EPHX2: variants seen among roughly 807,000 people sequenced by gnomAD.
EPHX2 encodes the protein bifunctional epoxide hydrolase 2.
In EPHX2, 74 loss-of-function variants were observed where a neutral mutation model predicts 78.7. That is an observed-to-expected ratio of 0.94 (90% CI 0.78 to 1.14). The LOEUF (loss-of-function observed/expected upper bound fraction) is 1.14, where lower values mean the gene tolerates loss of function less well. EPHX2 is among the 50% of genes most tolerant of loss of function. The pLI, the probability that EPHX2 is intolerant of heterozygous loss-of-function variation, is 0.00. For missense variants in EPHX2, 715 were observed against 702.5 expected, an observed-to-expected ratio of 1.02 and a Z score of -0.20; for synonymous variants, 251 against 255.2, an observed-to-expected ratio of 0.98 and a Z score of 0.16.
chr8:27,504,033 G>T (rs1371053049), intron 3 of EPHX2, among the ~76,000 whole-genome samples: 2 of 152,198 alleles, frequency 1.3e-5, no homozygotes, highest in Admixed American at 1.3e-4. Flanking sequence ...TGGCACTTTA[G>T]TAATGACCCA....
rs951527124 is a variant in EPHX2 at position 27,491,183 on chromosome 8, G to A, written c.-26G>A. 6.4e-7 allele frequency: 1 copy of A among 1,558,072 alleles called. No individual in the cohort carries two copies. Among genetic ancestry groups the A allele is most frequent in the Non-Finnish European group, 8.6e-7 (1 of 1,160,256 alleles). On this transcript the variant is annotated 5_prime_UTR_variant, in exon 1 of 19. Transcript: ENST00000521400. Reference sequence around the variant, plus strand: ...CATCTCCCAGGTTAGCTGCGTGTCCGGGTGCTAGGCTGCAGACCCGCCGCC... The same window carrying A: ...CATCTCCCAGGTTAGCTGCGTGTCCAGGTGCTAGGCTGCAGACCCGCCGCC...
chr8:27,542,534 A>C (rs899629610), intron 16 of EPHX2, among the ~76,000 whole-genome samples: 1 of 152,182 alleles, frequency 6.6e-6, no homozygotes, highest in African/African-American at 2.4e-5. Context: ...ACCGATGAAA[A>C]TGACCAAACT....
At chr8:27,517,900 C>T (rs1814516206) in intron 8 of EPHX2, 138 bp from the exon 9 acceptor site, 1 of 682,614 alleles carries the variant, frequency 1.5e-6, no homozygotes, top group African/African-American at 1.8e-5. Flanking sequence ...CTACCTCAGT[C>T]TAAGGATTTA....
chr8:27,512,384 C>T (rs1427420110), intron 6 of EPHX2, among the ~76,000 whole-genome samples: 1 of 152,224 alleles, frequency 6.6e-6, no homozygotes, highest in East Asian at 1.9e-4. Flanking sequence ...ATTTATCGAA[C>T]ACTTCCTCTG....
Position 27,536,815 on chromosome 8 carries a change from T to C in EPHX2, c.1202T>C (p.Leu401Pro), listed in dbSNP as rs1185310727. ...GCTGAGGCTGAACTGGAACAGAACC[T>C]GAGTCGGACTTTCAAAAGCCTCTTC... ...GVAEAELEQNLSRTFKSLFRA... is the reference protein window; with the variant it reads ...GVAEAELEQNPSRTFKSLFRA... The change falls in exon 13 of 19, where the codon CTG (leucine) becomes CCG (proline). Residue 401 changes from leucine (L) to proline (P), a missense_variant. Coordinates refer to ENST00000521400, the MANE Select transcript of EPHX2 (RefSeq NM_001979.6). 1.9e-6 allele frequency: 3 copies of C among 1,611,032 alleles called. No homozygotes were observed. The African/African-American group carries it at 4.0e-5, about 22-fold the overall frequency.
At chr8:27,538,296 G>C (rs1263925504) in intron 13 of EPHX2, among the ~76,000 whole-genome samples, 1 of 152,160 alleles carries the variant, frequency 6.6e-6, no homozygotes, top group Non-Finnish European at 1.5e-5. Context: ...TACCATGGAG[G>C]AGCATGGAAT....
chr8:27,548,222 A>G (rs997284557), downstream of EPHX2, among the ~76,000 whole-genome samples: 6 of 152,078 alleles, frequency 3.9e-5, no homozygotes, highest in African/African-American at 1.4e-4. Context: ...GGTATAGGGA[A>G]CCCACGGTTT....
rs755903612 is a variant in EPHX2, at chr8:27,538,702, A to G, written c.1276+10A>G. ...AAAGTCTGTGAAGCGGGTAAGAGAC[A>G]TGCTTGGGAGAGCCATATCTGGAAC... On this transcript the variant is annotated intron_variant, in intron 14 of 18. Transcript: ENST00000521400. 1 of 1,613,580 alleles carries G rather than the reference A, an allele frequency of 6.2e-7. No homozygotes were observed. Among genetic ancestry groups the G allele is most frequent in the East Asian group, 2.2e-5 (1 of 44,886 alleles).
chr8:27,516,941 A>C (rs1814479333), intron 8 of EPHX2, among the ~76,000 whole-genome samples: 1 of 118,988 alleles, frequency 8.4e-6, no homozygotes, highest in South Asian at 2.8e-4. Flanking sequence ...TTTTTTTGAG[A>C]CGGAGTCTCA....
intron 1 of EPHX2, among the ~76,000 whole-genome samples, chr8:27,500,435 G>A (rs1028826647): frequency 6.6e-6 from 1 of 152,144 alleles, no homozygotes; most frequent in African/African-American, 2.4e-5. Flanking sequence ...CTTTATAGCA[G>A]TGTGAGAACA....
At chr8:27,528,400 G>C (rs79132313) in intron 12 of EPHX2, among the ~76,000 whole-genome samples, 2 of 152,166 alleles carry the variant, frequency 1.3e-5, no homozygotes, top group African/African-American at 4.8e-5. Flanking sequence ...GCTGGGACTG[G>C]AGGAGAAATC....
intron 14 of EPHX2, chr8:27,539,175 A>C (rs1490525000): frequency 6.4e-6 from 1 of 156,916 alleles, no homozygotes; most frequent in Non-Finnish European, 1.4e-5. Flanking sequence ...GTCAGAGTTG[A>C]GATTTGATTT....
At chr8:27,536,256 CA>C (rs1354988850) in intron 12 of EPHX2, among the ~76,000 whole-genome samples, 3 of 151,740 alleles carry the variant, frequency 2.0e-5, no homozygotes, top group Non-Finnish European at 4.4e-5. Flanking sequence ...GAAGTTTCTA[CA>C]GCAAAAAAAA....
rs1585197617 is a variant in EPHX2, at chr8:27,511,818, T to C, written c.661-18T>C. 2 of 1,613,738 alleles carry C rather than the reference T, an allele frequency of 1.2e-6. No individual in the cohort carries two copies. Among genetic ancestry groups the C allele is most frequent in the Non-Finnish European group, 1.7e-6 (2 of 1,179,600 alleles). ...GAGGCTGCTGCTGTCTCTCTCACTA[T>C]ACCTTTCCTGCTTACAGCTTCTCAA... On this transcript the variant is annotated intron_variant, in intron 5 of 18. Coordinates refer to ENST00000521400, the MANE Select transcript of EPHX2 (RefSeq NM_001979.6).
chr8:27,543,650 C>T, intron 16 of EPHX2, 99 bp from the exon 17 acceptor site: 2 of 1,212,598 alleles, frequency 1.6e-6, no homozygotes, highest in Non-Finnish European at 1.2e-6. Context: ...GATACAACGT[C>T]AGGACCACAG....
chr8:27,506,976 G>A lies in EPHX2; in HGVS notation c.642G>A (p.Glu214=). Residue 214 remains glutamate, a synonymous_variant, in exon 5 of 19, where the codon GAG becomes GAA. Transcript: ENST00000521400. The part of the protein sequence containing the change: ...QDTDTALKEL[E]KVTGIQLLNT... The stretch of plus-strand genomic sequence containing the variant: ...CTGACACGGCCCTGAAAGAACTGGA[G>A]AAAGTGACCGGAATCCAGGTAACTT... The A allele has an allele frequency of 6.2e-7, 1 of 1,613,978 alleles. No homozygotes were observed. The highest frequency in any genetic ancestry group is 8.5e-7 in the Non-Finnish European group (1 of 1,180,024).
chr8:27,526,975 C>T (rs1305902903), intron 12 of EPHX2, among the ~76,000 whole-genome samples: 1 of 152,128 alleles, frequency 6.6e-6, no homozygotes, highest in Non-Finnish European at 1.5e-5. Context: ...GAGTCGCCCT[C>T]TGTTGCCCAG....
In EPHX2 at chr8:27,501,001, A is replaced by G; in HGVS notation, c.177A>G (p.Thr59=). The change falls in exon 2 of 19, where the codon ACA becomes ACG. Residue 59 remains threonine (T), a synonymous_variant. Coordinates refer to ENST00000521400, the MANE Select transcript of EPHX2 (RefSeq NM_001979.6). ...ATTRLMKGEI[T]LSQWIPLMEE... The stretch of plus-strand genomic sequence containing the variant: ...CCCGGCTTATGAAAGGAGAGATCAC[A>G]CTTTCCCAGGTGAGGGGACATCACC... 1.2e-6 allele frequency: 2 copies of G among 1,613,318 alleles called. No individual in the cohort carries two copies. The highest frequency in any genetic ancestry group is 2.2e-5 in the East Asian group (1 of 44,860).
chr8:27,525,299 T>C (rs1814804155), intron 11 of EPHX2, 63 bp from the exon 12 acceptor site: 1 of 1,499,962 alleles, frequency 6.7e-7, no homozygotes. Context: ...GCAAAGTCCT[T>C]TCTGGCTCTT....
Sources: allele counts gnomAD v4.1 joint callset (sites outside exome capture counted in the v4.1 genomes callset), GRCh38; gene constraint gnomAD v4.1.1; transcripts MANE v1.5; gene names NCBI Gene and HGNC (gene_info 2026-07-23, HGNC 2026-07-21).